The following RAB39A variants were observed in gnomAD, a reference collection of about 807,000 sequenced individuals.
The protein encoded by RAB39A is ras-related protein Rab-39A.
A neutral mutation model predicts 20.9 loss-of-function variants in RAB39A; 17 were observed. That is an observed-to-expected ratio of 0.81 (90% confidence interval 0.56 to 1.22). The LOEUF (loss-of-function observed/expected upper bound fraction) is 1.22. Among genes scored for constraint, RAB39A ranks in the 50% most tolerant of loss-of-function variants. The probability of loss-of-function intolerance (pLI) is 0.00; values close to 1 mark genes in which losing one functional copy is unlikely to be tolerated. For missense variants in RAB39A, 234 were observed against 270.5 expected, an observed-to-expected ratio of 0.87 and a Z score of 0.95; for synonymous variants, 99 against 103.4, an observed-to-expected ratio of 0.96 and a Z score of 0.26.
rs550155436 is a variant in RAB39A, at chr11:107,946,970, G to A, written c.228-14976G>A. Among the ~76,000 whole-genome samples, 278 of 151,966 alleles carry A rather than the reference G, an allele frequency of 1.8e-3. 1 individual carries two copies. The highest frequency in any genetic ancestry group is 5.7e-3 in the African/African-American group (236 of 41,456). On this transcript the variant is annotated intron_variant, in intron 1 of 1. Coordinates refer to ENST00000320578, the MANE Select transcript of RAB39A (RefSeq NM_017516.3). ...ACGTGCTCGCTTGAACCCAGGAGGC[G>A]GAGGTTGCTGTGTGCACTCCGGCCT...
At chr11:107,949,074 A>T (rs951528474) in intron 1 of RAB39A, among the ~76,000 whole-genome samples, 6 of 152,134 alleles carry the variant, frequency 3.9e-5, no homozygotes, top group African/African-American at 1.4e-4. Flanking sequence ...TAATCCTAGC[A>T]CTTTGGGAGG....
At chr11:107,930,857 A>AAAAT (rs145687172) in intron 1 of RAB39A, among the ~76,000 whole-genome samples, 38,927 of 151,084 alleles carry the variant, frequency 0.26, 6,178 homozygotes, top group South Asian at 0.42. Flanking sequence ...CTCAGTCTCA[A>AAAAT]AAATAAATAA....
At chr11:107,935,582 G>A in intron 1 of RAB39A, among the ~76,000 whole-genome samples, 1 of 152,110 alleles carries the variant, frequency 6.6e-6, no homozygotes, top group East Asian at 1.9e-4. Context: ...CACTTTGTTA[G>A]CCAGGCTTGT....
At chr11:107,934,711 G>A (rs1861175507) in intron 1 of RAB39A, among the ~76,000 whole-genome samples, 1 of 142,952 alleles carries the variant, frequency 7.0e-6, no homozygotes, top group Non-Finnish European at 1.5e-5. Flanking sequence ...TGGATCACCT[G>A]AAGTCAGGAG....
At chr11:107,929,508 A>G (rs1003121502) in intron 1 of RAB39A, among the ~76,000 whole-genome samples, 13 of 146,862 alleles carry the variant, frequency 8.9e-5, no homozygotes, top group African/African-American at 1.3e-4. Flanking sequence ...GTGTGTGTGT[A>G]TGTGAAGGGT....
intron 1 of RAB39A, among the ~76,000 whole-genome samples, chr11:107,958,102 G>A (rs1861457042): frequency 1.3e-5 from 2 of 152,064 alleles, no homozygotes; most frequent in South Asian, 4.1e-4. Context: ...ATGTTGGCCA[G>A]GTTGGTCTCG....
intron 1 of RAB39A, among the ~76,000 whole-genome samples, chr11:107,931,118 AG>A (rs1861132527): frequency 6.6e-6 from 1 of 151,674 alleles, no homozygotes; most frequent in Admixed American, 6.6e-5. Flanking sequence ...CTGGGATTAC[AG>A]GCATGCACCA....
chr11:107,940,870 G>A (rs183432299), intron 1 of RAB39A, among the ~76,000 whole-genome samples: 18 of 152,096 alleles, frequency 1.2e-4, no homozygotes, highest in Middle Eastern at 6.8e-3. Flanking sequence ...CTACTCAGGA[G>A]GCTGAGGAAG....
chr11:107,938,220 G>A (rs1449846624), intron 1 of RAB39A, among the ~76,000 whole-genome samples: 2 of 151,608 alleles, frequency 1.3e-5, no homozygotes, highest in Non-Finnish European at 2.9e-5. Flanking sequence ...AAAATTAGCC[G>A]GTTATGGTGC....
chr11:107,929,441 G>T (rs1362653731), intron 1 of RAB39A, among the ~76,000 whole-genome samples: 1 of 152,152 alleles, frequency 6.6e-6, no homozygotes, highest in Non-Finnish European at 1.5e-5. Context: ...AATGGGTCTT[G>T]TAGGTTAACT....
intron 1 of RAB39A, among the ~76,000 whole-genome samples, chr11:107,950,071 T>C (rs1170739108): frequency 2.0e-5 from 3 of 151,754 alleles, no homozygotes; most frequent in Non-Finnish European, 4.4e-5. Flanking sequence ...TCCCAGCTAC[T>C]CGGGAGGCTG....
At position 107,928,769 on chromosome 11, in the gene RAB39A, G is replaced by A; in HGVS notation, c.201G>A (p.Trp67Ter). ...EPGKRIKLQL[W>*]DTAGQERFRS... ...GCAAGAGGATCAAGCTACAGCTCTG[G>A]GACACGGCGGGACAGGAGCGGTTCA... The change falls in exon 1 of 2, where the codon TGG becomes TGA. Residue 67 changes from tryptophan (W) to a stop codon, truncating the protein, a stop_gained. Transcript: ENST00000320578. LOFTEE classifies it high-confidence loss of function. This position sits in a 1 kb window ranked among gnomAD's most constrained non-coding sequence, Gnocchi z 4.9. 2 of 1,593,350 alleles carry A rather than the reference G, an allele frequency of 1.3e-6. No homozygotes were observed. The highest frequency in any genetic ancestry group is 1.7e-6 in the Non-Finnish European group (2 of 1,168,532).
chr11:107,959,564 T>C (rs1486709746), intron 1 of RAB39A, among the ~76,000 whole-genome samples: 1 of 152,212 alleles, frequency 6.6e-6, no homozygotes, highest in Admixed American at 6.5e-5. Flanking sequence ...TATAATACTA[T>C]AGTCCTTGAC....
chr11:107,961,802 C>T (rs1861498466), intron 1 of RAB39A, 144 bp from the exon 2 acceptor site: 4 of 709,362 alleles, frequency 5.6e-6, no homozygotes, highest in Non-Finnish European at 8.9e-6. Flanking sequence ...TTTTTGTTCA[C>T]TTGAGATACC....
At chr11:107,931,846 G>A (rs544817285) in intron 1 of RAB39A, among the ~76,000 whole-genome samples, 3 of 146,206 alleles carry the variant, frequency 2.1e-5, no homozygotes, top group South Asian at 2.2e-4. Flanking sequence ...ATTAGCTTTC[G>A]TTTTCTTTCT....
intron 1 of RAB39A, among the ~76,000 whole-genome samples, chr11:107,945,378 GTC>G (rs1861298716): frequency 6.7e-6 from 1 of 148,760 alleles, no homozygotes. Flanking sequence ...GAACATCTGT[GTC>G]TATTTTAGCT....
intron 1 of RAB39A, among the ~76,000 whole-genome samples, chr11:107,959,542 A>G (rs1387317199): frequency 6.6e-6 from 1 of 152,030 alleles, no homozygotes; most frequent in Non-Finnish European, 1.5e-5. Context: ...TTGGTGAAAA[A>G]CTCAATTTCT....
At chr11:107,937,312 A>T (rs1591241863) in intron 1 of RAB39A, among the ~76,000 whole-genome samples, 1 of 151,912 alleles carries the variant, frequency 6.6e-6, no homozygotes, top group East Asian at 1.9e-4. Context: ...TTAAAAAAAA[A>T]AAAAATTTGT....
chr11:107,928,685 C>T lies in RAB39A; in HGVS notation c.117C>T (p.Pro39=), dbSNP rs1483073080. ...GCCGCTTCCCCGGGCTGCGCTCCCC[C>T]GCCTGCGACCCCACCGTCGGCGTGG... ...TQGRFPGLRS[P]ACDPTVGVDF... The change falls in exon 1 of 2, where the codon CCC becomes CCT. Residue 39 remains proline, a synonymous_variant. Coordinates refer to ENST00000320578, the MANE Select transcript of RAB39A (RefSeq NM_017516.3). The surrounding 1 kb of genome is among the most constrained non-coding windows in gnomAD (Gnocchi z 4.9). 3.7e-6 allele frequency: 6 copies of T among 1,612,068 alleles called. No homozygotes were observed. Among genetic ancestry groups the T allele is most frequent in the African/African-American group, 1.3e-5 (1 of 75,034 alleles).
Sources: gnomAD v4.1 joint callset for allele counts (sites outside exome capture counted in the v4.1 genomes callset) on GRCh38, gnomAD v4.1.1 for gene constraint, Gnocchi (gnomAD v3.1) non-coding constraint, MANE v1.5 for transcripts, NCBI Gene and HGNC (gene_info 2026-07-23, HGNC 2026-07-21) for gene names.